The following CAGE1 variants were observed in gnomAD, a reference collection of about 807,000 sequenced individuals.
The protein encoded by CAGE1 is cancer-associated gene 1 protein.
CAGE1 carries 66 observed loss-of-function variants against 94.9 expected under a neutral mutation model. The ratio of observed to expected loss-of-function variants is 0.70; its 90% confidence interval spans 0.57 to 0.85. The LOEUF (loss-of-function observed/expected upper bound fraction) is 0.85. Among genes scored for constraint, CAGE1 ranks in the 40% least tolerant of loss-of-function variants. The pLI, the probability that CAGE1 is intolerant of heterozygous loss-of-function variation, is 0.00. For missense variants in CAGE1, 865 were observed against 950.4 expected (o/e 0.91, Z 1.18); for synonymous variants, 319 against 321.0 (o/e 0.99, Z 0.07).
At chr6:7,328,659 G>T (rs1758614258) in intron 13 of CAGE1, among the ~76,000 whole-genome samples, 1 of 152,114 alleles carries the variant, frequency 6.6e-6, no homozygotes, top group Non-Finnish European at 1.5e-5. Flanking sequence ...ATGACAGCTA[G>T]ATAGAAGGAA....
Position 7,369,904 on chromosome 6 carries a change from T to C in CAGE1, c.1893+15A>G. On this transcript the variant is annotated intron_variant, in intron 6 of 13. Coordinates refer to ENST00000502583, the MANE Select transcript of CAGE1 (RefSeq NM_001170692.2). Reference sequence around the variant, plus strand: ...TCCTCCCCTACTAAAATATCTAATATATATGTTTTATTACCTGGCATGTGA... The same window carrying C: ...TCCTCCCCTACTAAAATATCTAATACATATGTTTTATTACCTGGCATGTGA... 6.2e-7 allele frequency: 1 copy of C among 1,601,642 alleles called. No individual in the cohort carries two copies. The highest frequency in any genetic ancestry group is 8.5e-7 in the Non-Finnish European group (1 of 1,176,000).
At chr6:7,347,601 A>G (rs1267348743) in intron 11 of CAGE1, among the ~76,000 whole-genome samples, 1 of 151,896 alleles carries the variant, frequency 6.6e-6, no homozygotes, top group African/African-American at 2.4e-5. Flanking sequence ...TGGGAAATCT[A>G]TCTGGTTTGC....
rs1760025531 is a variant in CAGE1 at position 7,358,028 on chromosome 6, ATATATATATATATATAT to A, written c.2194-1916_2194-1900del. On this transcript the variant is annotated intron_variant, in intron 9 of 13. Transcript: ENST00000502583. ...AGACTGCGGTTAGGTAAGTTTTGAG[ATATATATATATATATAT>A]ATATATATATATATATATATATATA... Among the ~76,000 whole-genome samples, 83 of 66,942 alleles carry A rather than the reference ATATATATATATATATAT, an allele frequency of 1.2e-3. 2 individuals are homozygous for A. Among genetic ancestry groups the A allele is most frequent in the African/African-American group, 3.8e-3 (66 of 17,532 alleles). 43.9% of individuals were successfully genotyped at this position (66,942 alleles called of 152,430 possible).
In CAGE1 at chr6:7,338,788, CT is replaced by C. The variant is rs1759058216; in HGVS notation, c.2370-4699del. The C allele has an allele frequency of 8.9e-6, 7 of 788,076 alleles. No individual in the cohort carries two copies. The East Asian group carries it at 1.8e-4, about 20-fold the overall frequency. The allele number at this position is 788,076 out of a possible 1,614,324, so 48.8% of individuals were successfully genotyped here. A position where few individuals can be genotyped will look rare whatever the true frequency, so the allele number is the denominator to read the frequency against. On this transcript the variant is annotated intron_variant, in intron 11 of 13. Coordinates refer to ENST00000502583, the MANE Select transcript of CAGE1 (RefSeq NM_001170692.2). ...TCTTTGTACAATATTTTATAAAGGT[CT>C]TTACAGAGCAACATCCAGACTCCAG...
Position 7,373,383 on chromosome 6 carries a change from G to C in CAGE1, c.1436C>G (p.Ala479Gly). ...TAAAGACAAGAACTCTTGTTCTTGG[G>C]CCTCTTTTTCCCGTTTCAACAAGTC... ...ALDLLKREKE[A>G]QEQEFLSLQE... is the part of the protein sequence containing the mutation. The change falls in exon 5 of 14, where the codon GCC becomes GGC. Residue 479 changes from alanine to glycine, a missense_variant. Coordinates refer to ENST00000502583, the MANE Select transcript of CAGE1 (RefSeq NM_001170692.2). 1 of 1,613,656 alleles carries C rather than the reference G, an allele frequency of 6.2e-7. No homozygotes were observed. Among genetic ancestry groups the C allele is most frequent in the Non-Finnish European group, 8.5e-7 (1 of 1,179,782 alleles).
In CAGE1 at chr6:7,373,383, G is replaced by A. The variant is rs776748203; in HGVS notation, c.1436C>T (p.Ala479Val). ...ALDLLKREKEAQEQEFLSLQE... is the reference protein window; with the variant it reads ...ALDLLKREKEVQEQEFLSLQE... The stretch of plus-strand genomic sequence containing the variant: ...TAAAGACAAGAACTCTTGTTCTTGG[G>A]CCTCTTTTTCCCGTTTCAACAAGTC... The change falls in exon 5 of 14, where the codon GCC (alanine) becomes GTC (valine). Residue 479 changes from alanine (A) to valine (V), a missense_variant. Ala to Val is a moderately conservative substitution (Grantham distance 64). Transcript: ENST00000502583. 21 of 1,613,538 alleles carry A rather than the reference G, an allele frequency of 1.3e-5. No homozygotes were observed. The highest frequency in any genetic ancestry group is 1.6e-5 in the Non-Finnish European group (19 of 1,179,790).
chr6:7,376,839 C>A (rs141502489), intron 4 of CAGE1, among the ~76,000 whole-genome samples: 3 of 152,286 alleles, frequency 2.0e-5, no homozygotes, highest in African/African-American at 7.2e-5. Flanking sequence ...AACTTCTACC[C>A]ATCCTTTAGA....
intron 4 of CAGE1, among the ~76,000 whole-genome samples, chr6:7,378,124 A>G (rs915715235): frequency 3.3e-5 from 5 of 152,222 alleles, no homozygotes; most frequent in African/African-American, 1.2e-4. Flanking sequence ...AGCTTATTAT[A>G]TTCAGACTGC....
intron 5 of CAGE1, among the ~76,000 whole-genome samples, 164 bp downstream of exon 5, chr6:7,372,909 C>G (rs1213794112): frequency 1.3e-5 from 2 of 152,156 alleles, no homozygotes; most frequent in African/African-American, 4.8e-5. Flanking sequence ...AACTCCTAGC[C>G]TCAAGAGATC....
chr6:7,354,983 C>G, intron 11 of CAGE1, 58 bp downstream of exon 11: 1 of 1,213,516 alleles, frequency 8.2e-7, no homozygotes, highest in Non-Finnish European at 1.2e-6. Context: ...ATTTAGAATC[C>G]AGAGAATAAG....
chr6:7,375,477 C>T (rs1760707579), intron 4 of CAGE1, among the ~76,000 whole-genome samples: 1 of 152,134 alleles, frequency 6.6e-6, no homozygotes, highest in Non-Finnish European at 1.5e-5. Context: ...TGGCTCATAC[C>T]TGTAATCCCA....
Position 7,374,055 on chromosome 6 carries a change from G to A in CAGE1, c.764C>T (p.Thr255Ile), listed in dbSNP as rs758454650. The change falls in exon 5 of 14, where the codon ACA (threonine) becomes ATA (isoleucine). Residue 255 changes from threonine to isoleucine, a missense_variant. Physicochemically the swap from Thr to Ile is moderately conservative, Grantham distance 89 (BLOSUM62 -1). Transcript: ENST00000502583. Reference sequence around the variant, plus strand: ...TTCTGGCCTCTCCACACCCTCTGCTGTGACTTCCTTTTCATAACTGACTGA... The same window carrying A: ...TTCTGGCCTCTCCACACCCTCTGCTATGACTTCCTTTTCATAACTGACTGA... ...EMSVSYEKEV[T>I]AEGVERPEIV... The A allele has an allele frequency of 5.6e-6, 9 of 1,613,848 alleles. No homozygotes were observed. The African/African-American group carries it at 9.3e-5, about 17-fold the overall frequency.
chr6:7,387,492 C>T (rs113294167), intron 1 of CAGE1, among the ~76,000 whole-genome samples: 1 of 152,134 alleles, frequency 6.6e-6, no homozygotes, highest in Admixed American at 6.5e-5. Context: ...AAAATATTAT[C>T]AGAGACCTAA....
At chr6:7,350,352 C>T (rs547523641) in intron 11 of CAGE1, among the ~76,000 whole-genome samples, 32 of 152,304 alleles carry the variant, frequency 2.1e-4, no homozygotes, top group South Asian at 6.2e-4. Context: ...GACAGGTCAT[C>T]AGGACAGAAA....
chr6:7,358,064 ATATATATG>A (rs1406339459), intron 9 of CAGE1, among the ~76,000 whole-genome samples: 6 of 116,910 alleles, frequency 5.1e-5, no homozygotes, highest in African/African-American at 2.0e-4. Flanking sequence ...ATATATATAT[ATATATATG>A]CCTCCAAAAC....
intron 7 of CAGE1, among the ~76,000 whole-genome samples, chr6:7,368,438 G>C (rs543361198): frequency 1.3e-5 from 2 of 152,016 alleles, no homozygotes; most frequent in African/African-American, 4.8e-5. Context: ...CAGTAGTGCC[G>C]TGCAAAAATG....
chr6:7,369,800 T>G, intron 6 of CAGE1, 119 bp downstream of exon 6: 1 of 1,046,038 alleles, frequency 9.6e-7, no homozygotes, highest in Non-Finnish European at 1.3e-6. Flanking sequence ...GTCTGTATTT[T>G]ATCTTCAATT....
chr6:7,359,281 A>C (rs1376634030), intron 9 of CAGE1, among the ~76,000 whole-genome samples: 5 of 152,176 alleles, frequency 3.3e-5, no homozygotes, highest in African/African-American at 9.6e-5. Context: ...TCCTGACCTG[A>C]GGTGATCCAC....
chr6:7,347,555 G>C (rs546656684), intron 11 of CAGE1: 59 of 150,092 alleles, frequency 3.9e-4, no homozygotes, highest in African/African-American at 1.4e-3. Context: ...AATTTGAATT[G>C]AGCAAGAAGC....
Sources: allele counts gnomAD v4.1 joint callset (sites outside exome capture counted in the v4.1 genomes callset), GRCh38; gene constraint gnomAD v4.1.1; transcripts MANE v1.5; gene names NCBI Gene and HGNC (gene_info 2026-07-23, HGNC 2026-07-21).